Variants in KMT2D observed in about 807,000 individuals in gnomAD.
The protein encoded by KMT2D is lysine methyltransferase 2D.
A neutral mutation model predicts 512.7 loss-of-function variants in KMT2D; 55 were observed. The ratio of observed to expected loss-of-function variants is 0.11; its 90% CI spans 0.09 to 0.13. KMT2D has a LOEUF of 0.13. Ranked by LOEUF, KMT2D falls within the 10% of genes least tolerant of loss-of-function variation. The probability of loss-of-function intolerance (pLI) is 1.00; values close to 1 mark genes in which losing one functional copy is unlikely to be tolerated. For synonymous variants in KMT2D, 2,995 were observed against 2,904.0 expected, an observed-to-expected ratio of 1.03 and a Z score of -1.01; for missense variants, 6,061 against 7,127.9, an observed-to-expected ratio of 0.85 and a Z score of 5.39.
chr12:49,041,853 A>C lies in KMT2D; in HGVS notation c.6183+64T>G. On this transcript the variant is annotated intron_variant, in intron 30 of 54. Coordinates refer to ENST00000301067, the MANE Select transcript of KMT2D (RefSeq NM_003482.4). The surrounding 1 kb of genome is among the most constrained non-coding windows in gnomAD (Gnocchi z 5.4). ...TGGGGAGCGGAAAGAACTGAGGTAA[A>C]TTACCCAAAGATCCCTCCCTCCCTC... 1 of 1,540,110 alleles carries C rather than the reference A, an allele frequency of 6.5e-7. No homozygotes were observed. Among genetic ancestry groups the C allele is most frequent in the Non-Finnish European group, 8.8e-7 (1 of 1,133,022 alleles).
chr12:49,027,239 T>C lies in KMT2D; in HGVS notation c.14727A>G (p.Pro4909=). Residue 4909 remains proline (P), a synonymous_variant, in exon 49 of 55, where the codon CCA becomes CCG. Coordinates refer to ENST00000301067, the MANE Select transcript of KMT2D (RefSeq NM_003482.4). The stretch of plus-strand genomic sequence containing the variant: ...GGGGCGGGGAGGGTTCTTCAGGAGG[T>C]GGGGCCGAGAGCTGTCGCACATCCA... ...SNLDVRQLSA[P]PPEEPSPPPS... 4 of 1,547,150 alleles carry C rather than the reference T, an allele frequency of 2.6e-6. No homozygotes were observed. Among genetic ancestry groups the C allele is most frequent in the Non-Finnish European group, 3.5e-6 (4 of 1,150,152 alleles).
chr12:49,018,988 G>A lies in KMT2D; in HGVS notation c.*2792C>T. On this transcript the variant is annotated 3_prime_UTR_variant, in exon 55 of 55. Coordinates refer to ENST00000301067, the MANE Select transcript of KMT2D (RefSeq NM_003482.4). ...GGACGGAGCCGCTTGTATTTAAAAT[G>A]TTCTTTTTTTATTTGTCGTTTAAAA... 1 of 1,402,896 alleles carries A rather than the reference G, an allele frequency of 7.1e-7. No homozygotes were observed. The highest frequency in any genetic ancestry group is 9.2e-7 in the Non-Finnish European group (1 of 1,082,090). 86.9% of individuals were successfully genotyped at this position (1,402,896 alleles called of 1,614,324 possible).
intron 51 of KMT2D, among the ~76,000 whole-genome samples, chr12:49,023,127 T>C (rs908442246): frequency 6.6e-6 from 1 of 151,928 alleles, no homozygotes; most frequent in African/African-American, 2.4e-5. Flanking sequence ...GGGTGGGGTG[T>C]GGAGGGAGAT....
chr12:49,055,070 T>C (rs1290149065), intron 2 of KMT2D, 44 bp from the exon 3 acceptor site: 3 of 1,608,956 alleles, frequency 1.9e-6, no homozygotes, highest in African/African-American at 1.3e-5. Flanking sequence ...TCATCCCTAT[T>C]TAACACAAAG....
Position 49,026,696 on chromosome 12 carries a change from G to A in KMT2D, c.15270C>T (p.Thr5090=), listed in dbSNP as rs770876532. The A allele has an allele frequency of 1.9e-6, 3 of 1,614,032 alleles. No individual in the cohort carries two copies. Among genetic ancestry groups the A allele is most frequent in the Non-Finnish European group, 2.5e-6 (3 of 1,179,910 alleles). ...CAGTTCGCTGGCACAGGGAGCACTT[G>A]GTTAGCAGTCCTCGGTGCAGGGCAA... ...VEVALHRGLL[T]KCSLCQRTGA... The change falls in exon 49 of 55, where the codon ACC becomes ACT. Residue 5090 remains threonine (T), a synonymous_variant. Coordinates refer to ENST00000301067, the MANE Select transcript of KMT2D (RefSeq NM_003482.4). The surrounding 1 kb of genome is among the most constrained non-coding windows in gnomAD (Gnocchi z 9.6).
rs755489693 is a variant in KMT2D, at chr12:49,054,364, C to A, written c.453G>T (p.Gly151=). The A allele has an allele frequency of 3.8e-6, 6 of 1,597,072 alleles. No individual in the cohort carries two copies. The South Asian group carries it at 6.8e-5, about 18-fold the overall frequency. ...CACCACATAGTTCTGGGCCCTCCTG[C>A]CCCCATACGCCTGCCGACCATGCAG... ...WCAAWSAGVW[G]QEGPELCGVD... is the part of the protein sequence containing the mutation. The change falls in exon 5 of 55, where the codon GGG becomes GGT. Residue 151 remains glycine, a synonymous_variant. Transcript: ENST00000301067. This position sits in a 1 kb window ranked among gnomAD's most constrained non-coding sequence, Gnocchi z 6.4.
rs2120655290 is a variant in KMT2D at position 49,050,682 on chromosome 12, G to A, written c.2906C>T (p.Pro969Leu). 1 of 1,613,648 alleles carries A rather than the reference G, an allele frequency of 6.2e-7. No homozygotes were observed. The highest frequency in any genetic ancestry group is 8.5e-7 in the Non-Finnish European group (1 of 1,179,780). ...GATGGGGGCAGCCAACGGTGACTCA[G>A]GGTCACTGTCCCCTTTGGCACCAAA... ...YPFGAKGDSD[P>L]ESPLAAPILE... The change falls in exon 12 of 55, where the codon CCT becomes CTT. Residue 969 changes from proline (P) to leucine (L), a missense_variant. Pro to Leu is a moderately conservative substitution (Grantham distance 98). Transcript: ENST00000301067.
chr12:49,047,971 G>T lies in KMT2D; in HGVS notation c.4230C>A (p.Asn1410Lys). 1.2e-6 allele frequency: 2 copies of T among 1,612,154 alleles called. No individual in the cohort carries two copies. Among genetic ancestry groups the T allele is most frequent in the Non-Finnish European group, 1.7e-6 (2 of 1,178,222 alleles). ...TCTTGGGCCCTGAACTCACCTTGCTGTTGACACAGTAAGGGTGATAGCACT... is the reference window on the plus strand; with the variant it reads ...TCTTGGGCCCTGAACTCACCTTGCTTTTGACACAGTAAGGGTGATAGCACT... ...CSQCYHPYCV[N>K]SKITKVMLLK... The change falls in exon 15 of 55, where the codon AAC becomes AAA. Residue 1410 changes from asparagine (N) to lysine (K), a missense_variant. Asn to Lys is a moderately conservative substitution (Grantham distance 94). Around this residue, in one of 16 missense-constraint regions of KMT2D, gnomAD observed 53 missense variants for 148.3 expected, o/e 0.36. Coordinates refer to ENST00000301067, the MANE Select transcript of KMT2D (RefSeq NM_003482.4).
At position 49,041,831 on chromosome 12, in the gene KMT2D, G is replaced by C; in HGVS notation, c.6183+86C>G. 1 of 1,520,766 alleles carries C rather than the reference G, an allele frequency of 6.6e-7. No individual in the cohort carries two copies. Among genetic ancestry groups the C allele is most frequent in the Non-Finnish European group, 9.0e-7 (1 of 1,116,842 alleles). 94.2% of individuals were successfully genotyped at this position (1,520,766 alleles called of 1,614,324 possible). A position where few individuals can be genotyped will look rare whatever the true frequency, so the allele number is the denominator to read the frequency against. The stretch of plus-strand genomic sequence containing the variant: ...TCTGGCCCAGCTGCTTTAGGAGTGG[G>C]GAGCGGAAAGAACTGAGGTAAATTA... On this transcript the variant is annotated intron_variant, in intron 30 of 54. Coordinates refer to ENST00000301067, the MANE Select transcript of KMT2D (RefSeq NM_003482.4). This position sits in a 1 kb window ranked among gnomAD's most constrained non-coding sequence, Gnocchi z 5.4.
At chr12:49,049,064 G>T in intron 13 of KMT2D, 41 bp downstream of exon 13, 2 of 1,292,232 alleles carry the variant, frequency 1.5e-6, no homozygotes, top group Non-Finnish European at 2.2e-6. Context: ...GGGTGCTAAA[G>T]CATGGTTGGG....
At chr12:49,029,013 G>A (rs1464289503) in intron 45 of KMT2D, 48 bp downstream of exon 45, 1 of 1,607,626 alleles carries the variant, frequency 6.2e-7, no homozygotes, top group Non-Finnish European at 8.5e-7. Flanking sequence ...CCCAGCTTCG[G>A]ACAACCCAGG....
rs754094402 is a variant in KMT2D, at chr12:49,040,303, C to G, written c.7467G>C (p.Leu2489=). ...GGGCTGCTGGGAACCCCCCAGCCCC[C>G]AGCGAAGTGTGGGCTAGAGACCCAG... ...FKAGSLAHTS[L]GAGGFPAALP... Residue 2489 remains leucine, a synonymous_variant, in exon 32 of 55, where the codon CTG becomes CTC. Transcript: ENST00000301067. 6.3e-7 allele frequency: 1 copy of G among 1,592,486 alleles called. No homozygotes were observed. The highest frequency in any genetic ancestry group is 1.3e-5 in the African/African-American group (1 of 74,440).
In KMT2D at chr12:49,021,306, C is replaced by T. The variant is rs1322943242; in HGVS notation, c.*474G>A. Reference sequence around the variant, plus strand: ...GATGGGGGTGAGGGTGGGGGCAGGACCCGGCAGGCAGGGCCAGGTGTGGGA... The same window carrying T: ...GATGGGGGTGAGGGTGGGGGCAGGATCCGGCAGGCAGGGCCAGGTGTGGGA... On this transcript the variant is annotated 3_prime_UTR_variant, in exon 55 of 55. Transcript: ENST00000301067. 2.9e-5 allele frequency: 7 copies of T among 239,530 alleles called. No homozygotes were observed. The East Asian group carries it at 3.7e-4, about 13-fold the overall frequency. 14.8% of individuals were successfully genotyped at this position (239,530 alleles called of 1,614,324 possible).
In KMT2D at chr12:49,060,482, G is replaced by C. The variant is rs1383690786; in HGVS notation, c.-907C>G. Among the ~76,000 whole-genome samples, 1 of 152,204 alleles carries C rather than the reference G, an allele frequency of 6.6e-6. No individual in the cohort carries two copies. The highest frequency in any genetic ancestry group is 1.5e-5 in the Non-Finnish European group (1 of 68,022). The stretch of plus-strand genomic sequence containing the variant: ...GATCGCAGGCGGCCTAGAGGTGCAT[G>C]GCCCAACCCCGGCTCCCGGCACCGG... On this transcript the variant is annotated 5_prime_UTR_variant, in exon 1 of 55. Transcript: ENST00000301067.
At position 49,029,480 on chromosome 12, in the gene KMT2D, AGGGGTG is replaced by A. The variant is rs1462442081; in HGVS notation, c.14000-10_14000-5del. ...AGACTCTTCACCTCTGAAGTATCTG[AGGGGTG>A]GGTAGGGAGAAGAAAAGTCAGGTGA... On this transcript the variant is annotated splice_polypyrimidine_tract_variant and splice_region_variant and intron_variant, in intron 43 of 54. Coordinates refer to ENST00000301067, the MANE Select transcript of KMT2D (RefSeq NM_003482.4). 6.4e-7 allele frequency: 1 copy of A among 1,552,350 alleles called. No individual in the cohort carries two copies. Among genetic ancestry groups the A allele is most frequent in the African/African-American group, 1.4e-5 (1 of 73,052 alleles).
At chr12:49,027,492 C>T (rs1046180276) in intron 48 of KMT2D, among the ~76,000 whole-genome samples, 170 bp from the exon 49 acceptor site, 1 of 151,988 alleles carries the variant, frequency 6.6e-6, no homozygotes, top group African/African-American at 2.4e-5. Flanking sequence ...GCTCTGTTGC[C>T]CAGGCTGGAT....
In KMT2D at chr12:49,022,975, T is replaced by C; in HGVS notation, c.16053-100A>G. On this transcript the variant is annotated intron_variant, in intron 51 of 54. Transcript: ENST00000301067. The surrounding 1 kb of genome is among the most constrained non-coding windows in gnomAD (Gnocchi z 8.6). ...CTCCTGGGATGTGCAACACACCAGT[T>C]AGGGGCGTGTGCTGCTGGCAAGCAC... is the stretch of plus-strand genomic sequence containing the variant. 1.6e-6 allele frequency: 2 copies of C among 1,255,134 alleles called. No individual in the cohort carries two copies. The highest frequency in any genetic ancestry group is 1.6e-5 in the South Asian group (1 of 62,332). 77.7% of individuals were successfully genotyped at this position (1,255,134 alleles called of 1,614,324 possible).
rs763402990 is a variant in KMT2D, at chr12:49,040,102, G to A, written c.7668C>T (p.Leu2556=). 4.3e-6 allele frequency: 7 copies of A among 1,613,832 alleles called. No individual in the cohort carries two copies. Among genetic ancestry groups the A allele is most frequent in the African/African-American group, 1.3e-5 (1 of 74,946 alleles). The change falls in exon 32 of 55, where the codon CTC becomes CTT. Residue 2556 remains leucine, a synonymous_variant. Transcript: ENST00000301067. ...GGCTGTTGATCCCATGGGGTGGCGG[G>A]AGACCAGGCTGAGGGACAGGGGGCT... ...SLKPPVPQPG[L]PPPHGINSHF...
chr12:49,049,008 C>T (rs1319857752), intron 13 of KMT2D, 97 bp downstream of exon 13: 9 of 819,284 alleles, frequency 1.1e-5, no homozygotes, highest in South Asian at 4.4e-5. Context: ...AGGCCCTAGA[C>T]GAGCAGGCAG....
Sources: gnomAD v4.1 joint callset for allele counts (sites outside exome capture counted in the v4.1 genomes callset) on GRCh38, gnomAD v4.1.1 for gene constraint, gnomAD v4.1.1 regional missense constraint, Gnocchi (gnomAD v3.1) non-coding constraint, MANE v1.5 for transcripts, NCBI Gene and HGNC (gene_info 2026-07-23, HGNC 2026-07-21) for gene names.